FBN2: variants seen among roughly 807,000 people sequenced by gnomAD.
FBN2 encodes fibrillin 2.
A neutral mutation model predicts 355.6 loss-of-function variants in FBN2; 105 were observed. The observed-to-expected ratio is 0.30, with a 90% CI of 0.25 to 0.35. The LOEUF is 0.35. Among genes scored for constraint, FBN2 ranks in the 10% least tolerant of loss-of-function variants. The pLI, the probability that FBN2 is intolerant of heterozygous loss-of-function variation, is 1.00. For missense variants in FBN2, 3,280 were observed against 3,758.7 expected (o/e 0.87, Z 3.33); for synonymous variants, 1,350 against 1,301.2 (o/e 1.04, Z -0.81).
At chr5:128,337,908 T>G in intron 27 of FBN2, 89 bp downstream of exon 27, 1 of 1,398,218 alleles carries the variant, frequency 7.2e-7, no homozygotes, top group Non-Finnish European at 1.0e-6. Flanking sequence ...AGATTTCATG[T>G]GCTCCTCAAA....
intron 34 of FBN2, among the ~76,000 whole-genome samples, chr5:128,324,131 T>C (rs187578139): frequency 6.6e-6 from 1 of 152,354 alleles, no homozygotes; most frequent in Non-Finnish European, 1.5e-5. Flanking sequence ...TGATCAGTGG[T>C]GATATCCCCC....
chr5:128,405,960 C>T (rs1236866899), intron 8 of FBN2, among the ~76,000 whole-genome samples: 1 of 152,168 alleles, frequency 6.6e-6, no homozygotes, highest in African/African-American at 2.4e-5. Flanking sequence ...TGACGACTCC[C>T]ACGGCGACGT....
At chr5:128,472,845 C>T (rs575875794) in intron 5 of FBN2, among the ~76,000 whole-genome samples, 28 of 151,402 alleles carry the variant, frequency 1.8e-4, no homozygotes, top group African/African-American at 6.3e-4. Flanking sequence ...GTGTGTTTTA[C>T]GACAATCTTA....
chr5:128,507,797 T>C (rs550547612), intron 5 of FBN2, among the ~76,000 whole-genome samples: 1 of 152,186 alleles, frequency 6.6e-6, no homozygotes, highest in South Asian at 2.1e-4. Context: ...ATAGGTCAAG[T>C]AGATTGACAG....
chr5:128,513,928 C>G (rs529013816), intron 5 of FBN2, among the ~76,000 whole-genome samples: 1 of 151,966 alleles, frequency 6.6e-6, no homozygotes, highest in East Asian at 1.9e-4. Context: ...TCCCACAGAT[C>G]TTTTGGTATT....
intron 5 of FBN2, among the ~76,000 whole-genome samples, chr5:128,511,302 T>C (rs954600361): frequency 1.3e-5 from 2 of 152,202 alleles, no homozygotes; most frequent in African/African-American, 4.8e-5. Context: ...ACTCAGTGCC[T>C]ACTTGAGGGT....
At chr5:128,459,504 A>G (rs1002911469) in intron 6 of FBN2, among the ~76,000 whole-genome samples, 4 of 152,076 alleles carry the variant, frequency 2.6e-5, no homozygotes, top group Non-Finnish European at 5.9e-5. Context: ...AACAACAACA[A>G]CAACAAAAAA....
chr5:128,312,858 G>T, intron 36 of FBN2, 63 bp from the exon 37 acceptor site: 1 of 1,566,646 alleles, frequency 6.4e-7, no homozygotes, highest in Non-Finnish European at 8.8e-7. Flanking sequence ...CCATTTTAGG[G>T]AAAAGTCACT....
rs1372293426 is a variant in FBN2, at chr5:128,300,810, C to T, written c.6166+7G>A. On this transcript the variant is annotated splice_region_variant and intron_variant, in intron 48 of 64. Transcript: ENST00000262464. ...CTAGTGGGCCTCAGAATAAATGTTA[C>T]TCTTACCAATGCAGTTCTCGCTTTT... The T allele has an allele frequency of 6.2e-7, 1 of 1,613,778 alleles. No individual in the cohort carries two copies. Among genetic ancestry groups the T allele is most frequent in the Admixed American group, 1.7e-5 (1 of 60,024 alleles).
intron 7 of FBN2, among the ~76,000 whole-genome samples, chr5:128,415,847 A>G (rs903327886): frequency 6.6e-6 from 1 of 152,152 alleles, no homozygotes; most frequent in South Asian, 2.1e-4. Context: ...TTTTCTCCAC[A>G]TCCTTACCAG....
At chr5:128,520,396 A>G (rs1401305397) in intron 4 of FBN2, among the ~76,000 whole-genome samples, 1 of 152,186 alleles carries the variant, frequency 6.6e-6, no homozygotes, top group Non-Finnish European at 1.5e-5. Context: ...CTGTTGAAAC[A>G]TTTGTCCTCA....
chr5:128,438,914 T>C (rs188796029), intron 7 of FBN2, among the ~76,000 whole-genome samples: 2 of 152,276 alleles, frequency 1.3e-5, no homozygotes, highest in Non-Finnish European at 2.9e-5. Flanking sequence ...CCCAACAATA[T>C]CCAATGCCAC....
Position 128,273,845 on chromosome 5 carries a change from C to T in FBN2, c.7835G>A (p.Cys2612Tyr), listed in dbSNP as rs776690186. Residue 2612 changes from cysteine (C) to tyrosine (Y), a missense_variant, in exon 61 of 65, where the codon TGT becomes TAT. Coordinates refer to ENST00000262464, the MANE Select transcript of FBN2 (RefSeq NM_001999.4). ...GFSLDATGLN[C>Y]EDVDECDGNH... ...TTTTGAGCAAATCAACTAACCTTCACAGTTCAGTCCGGTGGCATCAAGAGA... is the reference window on the plus strand; with the variant it reads ...TTTTGAGCAAATCAACTAACCTTCATAGTTCAGTCCGGTGGCATCAAGAGA... The T allele has an allele frequency of 6.2e-7, 1 of 1,613,814 alleles. No homozygotes were observed. Among genetic ancestry groups the T allele is most frequent in the South Asian group, 1.1e-5 (1 of 91,076 alleles).
At chr5:128,392,887 A>AT (rs1385892455) in intron 10 of FBN2, among the ~76,000 whole-genome samples, 3 of 152,116 alleles carry the variant, frequency 2.0e-5, no homozygotes, top group Non-Finnish European at 4.4e-5. Flanking sequence ...CTTTTCTCTA[A>AT]TTTAACAGAA....
intron 37 of FBN2, 134 bp downstream of exon 37, chr5:128,312,500 A>G: frequency 2.3e-6 from 2 of 871,228 alleles, no homozygotes; most frequent in Non-Finnish European, 3.7e-6. Context: ...CAGAGTGATC[A>G]CTGAAAGTAG....
intron 8 of FBN2, among the ~76,000 whole-genome samples, chr5:128,397,296 G>C (rs894546924): frequency 2.6e-4 from 40 of 152,134 alleles, no homozygotes; most frequent in African/African-American, 9.2e-4. Context: ...CTCAAGGCCA[G>C]GATGTAAATT....
intron 6 of FBN2, among the ~76,000 whole-genome samples, chr5:128,448,325 A>G (rs1270468936): frequency 6.6e-6 from 1 of 150,556 alleles, no homozygotes; most frequent in Non-Finnish European, 1.5e-5. Context: ...TTTTTTTTAG[A>G]CCAAGTTTTG....
rs889494109 is a variant in FBN2 at position 128,291,632 on chromosome 5, A to T, written c.6189T>A (p.Asp2063Glu). The change falls in exon 49 of 65, where the codon GAT (aspartate) becomes GAA (glutamate). Residue 2063 changes from aspartate (D) to glutamate (E), a missense_variant. Physicochemically the swap from Asp to Glu is conservative, Grantham distance 45. Coordinates refer to ENST00000262464, the MANE Select transcript of FBN2 (RefSeq NM_001999.4). ...NCIDINECDE[D>E]PNICLFGSCT... Reference sequence around the variant, plus strand: ...AGGAACCAAAAAGACAAATGTTGGGATCTTCATCACATTCATTTATATCTG... The same window carrying T: ...AGGAACCAAAAAGACAAATGTTGGGTTCTTCATCACATTCATTTATATCTG... 3 of 1,613,620 alleles carry T rather than the reference A, an allele frequency of 1.9e-6. No homozygotes were observed. Among genetic ancestry groups the T allele is most frequent in the Admixed American group, 1.7e-5 (1 of 60,010 alleles).
chr5:128,360,926 T>G (rs1751623852), intron 19 of FBN2, among the ~76,000 whole-genome samples: 1 of 152,184 alleles, frequency 6.6e-6, no homozygotes, highest in Non-Finnish European at 1.5e-5. Flanking sequence ...TTTGAGAATG[T>G]TATGGGACCC....
Sources: allele counts gnomAD v4.1 joint callset (sites outside exome capture counted in the v4.1 genomes callset), GRCh38; gene constraint gnomAD v4.1.1; transcripts MANE v1.5; gene names NCBI Gene and HGNC (gene_info 2026-07-23, HGNC 2026-07-21).